SLC2A14: variants seen among roughly 807,000 people sequenced by gnomAD.
SLC2A14 encodes solute carrier family 2 member 14.
SLC2A14 carries 13 observed loss-of-function variants against 43.0 expected under a neutral mutation model. That is an observed-to-expected ratio of 0.30 (90% CI 0.20 to 0.48). SLC2A14 has a LOEUF of 0.48. Among genes scored for constraint, SLC2A14 ranks in the 20% least tolerant of loss-of-function variants. The pLI, the probability that SLC2A14 is intolerant of heterozygous loss-of-function variation, is 0.99. For synonymous variants in SLC2A14, 190 were observed against 233.8 expected (o/e 0.81, Z 1.71); for missense variants, 428 against 620.4 (o/e 0.69, Z 3.29).
intron 10 of SLC2A14, among the ~76,000 whole-genome samples, chr12:7,815,865 C>T (rs1256077273): frequency 1.3e-5 from 2 of 150,432 alleles, no homozygotes; most frequent in Non-Finnish European, 3.0e-5. Context: ...TGTGAGCCAC[C>T]GTGCCTGGCC....
intron 5 of SLC2A14, among the ~76,000 whole-genome samples, chr12:7,829,301 C>T (rs1465191241): frequency 6.6e-6 from 1 of 151,922 alleles, no homozygotes; most frequent in Non-Finnish European, 1.5e-5. Flanking sequence ...TGGCTCACAC[C>T]TATAACCCAG....
intron 7 of SLC2A14, among the ~76,000 whole-genome samples, chr12:7,823,310 G>A (rs1420904787): frequency 6.6e-6 from 1 of 151,298 alleles, no homozygotes; most frequent in Non-Finnish European, 1.5e-5. Context: ...TTGAGCCTGG[G>A]AGGTGGAGGT....
At chr12:7,860,793 CT>C (rs71281853) in intron 2 of SLC2A14, 231 of 146,818 alleles carry the variant, frequency 1.6e-3, no homozygotes, top group African/African-American at 3.8e-3. Flanking sequence ...TACTTGTCAA[CT>C]TTTTTTTTTT....
rs762927537 is a variant in SLC2A14 at position 7,832,819 on chromosome 12, A to C, written c.19-5T>G. The C allele has an allele frequency of 6.2e-7, 1 of 1,613,910 alleles. No individual in the cohort carries two copies. The highest frequency in any genetic ancestry group is 8.5e-7 in the Non-Finnish European group (1 of 1,179,834). On this transcript the variant is annotated splice_polypyrimidine_tract_variant and splice_region_variant and intron_variant, in intron 2 of 10. Coordinates refer to ENST00000431042, the MANE Select transcript of SLC2A14 (RefSeq NM_001286234.2). ...AAAGATCAGAGCTGGGGTGACCTGG[A>C]GAGACAGAGGACAGGGAGGAGAGAA...
chr12:7,829,073 C>T (rs930763029), intron 5 of SLC2A14, among the ~76,000 whole-genome samples: 2 of 151,952 alleles, frequency 1.3e-5, no homozygotes, highest in Admixed American at 6.6e-5. Flanking sequence ...ATTAGCCAGG[C>T]GTGATGGTGG....
At chr12:7,858,743 C>T (rs766213815) in intron 2 of SLC2A14, among the ~76,000 whole-genome samples, 7 of 152,210 alleles carry the variant, frequency 4.6e-5, no homozygotes, top group Non-Finnish European at 8.8e-5. Context: ...AGGTGATCTG[C>T]CTGCCTCAGC....
At chr12:7,834,647 A>G (rs1865296980) in intron 2 of SLC2A14, among the ~76,000 whole-genome samples, 1 of 150,622 alleles carries the variant, frequency 6.6e-6, no homozygotes, top group East Asian at 2.0e-4. Flanking sequence ...TGGGAGGATC[A>G]CTTGAGCCCA....
intron 2 of SLC2A14, among the ~76,000 whole-genome samples, chr12:7,862,126 T>C (rs1428769161): frequency 6.7e-6 from 1 of 150,270 alleles, no homozygotes; most frequent in Non-Finnish European, 1.5e-5. Flanking sequence ...TATCTGGGCA[T>C]GGTCGCGCAT....
chr12:7,880,475 C>CA (rs112149113), intron 1 of SLC2A14, among the ~76,000 whole-genome samples: 44,703 of 145,468 alleles, frequency 0.31, 7,050 homozygotes, highest in African/African-American at 0.38. Context: ...ACTCTTGTCT[C>CA]AAAAAAAAAA....
At chr12:7,841,637 T>A (rs1865953524) in intron 2 of SLC2A14, among the ~76,000 whole-genome samples, 1 of 152,206 alleles carries the variant, frequency 6.6e-6, no homozygotes, top group South Asian at 2.1e-4. Context: ...TATATTCAAG[T>A]TCATTCTTTG....
At chr12:7,826,782 T>C (rs748365801) in intron 7 of SLC2A14, among the ~76,000 whole-genome samples, 5 of 152,168 alleles carry the variant, frequency 3.3e-5, no homozygotes, top group Middle Eastern at 3.4e-3. Context: ...GTCAGCTCAG[T>C]CTGAAGTTGC....
chr12:7,866,928 A>G (rs560608954), intron 2 of SLC2A14, among the ~76,000 whole-genome samples: 3 of 151,822 alleles, frequency 2.0e-5, no homozygotes, highest in Non-Finnish European at 4.4e-5. Context: ...GGAAGATGCC[A>G]TCTAGGACTT....
At chr12:7,831,217 A>C (rs1176529858) in intron 4 of SLC2A14, 1 of 167,252 alleles carries the variant, frequency 6.0e-6, no homozygotes, top group Non-Finnish European at 1.3e-5. Flanking sequence ...TCCTGTGTAG[A>C]GGTAACAAAA....
At chr12:7,886,143 C>T (rs1379939183) in intron 1 of SLC2A14, among the ~76,000 whole-genome samples, 1 of 111,986 alleles carries the variant, frequency 8.9e-6, no homozygotes, top group Non-Finnish European at 2.0e-5. Flanking sequence ...ACCACCACGC[C>T]CGGACAGCTT....
At chr12:7,871,336 C>CTAG in intron 1 of SLC2A14, 1 of 924,500 alleles carries the variant, frequency 1.1e-6, no homozygotes, top group Non-Finnish European at 1.4e-6. Context: ...TGGAGTTCAC[C>CTAG]TGCATCCTCA....
intron 8 of SLC2A14, 65 bp downstream of exon 8, chr12:7,821,156 C>A: frequency 8.4e-7 from 1 of 1,197,290 alleles, no homozygotes; most frequent in South Asian, 1.3e-5. Flanking sequence ...CCATGCAATC[C>A]ATCTTTGAAC....
In SLC2A14 at chr12:7,831,735, C is replaced by T. The variant is rs760969913; in HGVS notation, c.141G>A (p.Leu47=). The T allele has an allele frequency of 6.2e-7, 1 of 1,614,198 alleles. No homozygotes were observed. The highest frequency in any genetic ancestry group is 1.3e-5 in the African/African-American group (1 of 75,040). Residue 47 remains leucine, a synonymous_variant, in exon 4 of 11, where the codon TTG becomes TTA. Coordinates refer to ENST00000431042, the MANE Select transcript of SLC2A14 (RefSeq NM_001286234.2). ...TIIKEFINKT[L]TDKANAPPSE... ...AGGGAGGGGCATTTGCCTTGTCCGT[C>T]AAAGTTTTATTGATAAATTCCTTTA...
rs1253638586 is a variant in SLC2A14, at chr12:7,831,732, C to G, written c.144G>C (p.Thr48=). The G allele has an allele frequency of 1.2e-6, 2 of 1,614,172 alleles. No homozygotes were observed. The highest frequency in any genetic ancestry group is 1.7e-6 in the Non-Finnish European group (2 of 1,180,044). The change falls in exon 4 of 11, where the codon ACG becomes ACC. Residue 48 remains threonine, a synonymous_variant. Transcript: ENST00000431042. ...IIKEFINKTL[T]DKANAPPSEV... is the part of the protein sequence containing the mutation. ...CAGAGGGAGGGGCATTTGCCTTGTC[C>G]GTCAAAGTTTTATTGATAAATTCCT...
intron 1 of SLC2A14, among the ~76,000 whole-genome samples, chr12:7,882,200 G>A (rs1333921782): frequency 1.3e-5 from 2 of 151,972 alleles, no homozygotes; most frequent in African/African-American, 4.8e-5. Flanking sequence ...CTTTACTTTT[G>A]AAGCCGGTAA....
Sources: allele counts gnomAD v4.1 joint callset (sites outside exome capture counted in the v4.1 genomes callset), GRCh38; gene constraint gnomAD v4.1.1; transcripts MANE v1.5; gene names NCBI Gene and HGNC (gene_info 2026-07-23, HGNC 2026-07-21).